Variants in GNG11 observed in about 807,000 individuals in gnomAD.
GNG11 encodes G protein subunit gamma 11.
GNG11 carries 6 observed loss-of-function variants against 7.4 expected under a neutral mutation model. That is an observed-to-expected ratio of 0.81 (90% CI 0.44 to 1.60). The LOEUF (loss-of-function observed/expected upper bound fraction) is 1.60, where lower values mean the gene tolerates loss of function less well. Ranked by LOEUF, GNG11 falls within the 40% of genes most tolerant of loss-of-function variation. GNG11 has a pLI of 0.01. For missense variants in GNG11, 65 were observed against 83.0 expected, an observed-to-expected ratio of 0.78 and a Z score of 0.84; for synonymous variants, 31 against 25.9, an observed-to-expected ratio of 1.20 and a Z score of -0.60.
rs1462712551 is a variant in GNG11, at chr7:93,922,039, G to A, written c.-99G>A. On this transcript the variant is annotated 5_prime_UTR_variant, in exon 1 of 2. Transcript: ENST00000248564. ...CAGTCACATCCTGCGCGGGTGGGCG[G>A]CGGGCCAGGCCTTCAGTTGTTTCGG... is the stretch of plus-strand genomic sequence containing the variant. 5 of 658,084 alleles carry A rather than the reference G, an allele frequency of 7.6e-6. No individual in the cohort carries two copies. The highest frequency in any genetic ancestry group is 6.0e-5 in the East Asian group (2 of 33,152). The allele number at this position is 658,084 out of a possible 1,614,324, so 40.8% of individuals were successfully genotyped here.
Position 93,928,320 on chromosome 7 carries a change from G to T in GNG11, c.*2104G>T, listed in dbSNP as rs1433922614. Reference sequence around the variant, plus strand: ...CCTGAATAAATATCTAATCTTATAGGTGCTTCTATTAAATATAATTCTGTT... The same window carrying T: ...CCTGAATAAATATCTAATCTTATAGTTGCTTCTATTAAATATAATTCTGTT... On this transcript the variant is annotated 3_prime_UTR_variant, in exon 2 of 2. Coordinates refer to ENST00000248564, the MANE Select transcript of GNG11 (RefSeq NM_004126.4). 6.6e-6 allele frequency: 1 copy of T among 151,918 alleles called. No individual in the cohort carries two copies. The highest frequency in any genetic ancestry group is 1.5e-5 in the Non-Finnish European group (1 of 67,984). The allele number at this position is 151,918 out of a possible 1,614,324, so 9.4% of individuals were successfully genotyped here. A position where few individuals can be genotyped will look rare whatever the true frequency, so the allele number is the denominator to read the frequency against.
In GNG11 at chr7:93,924,995, T is replaced by G. The variant is rs186678670; in HGVS notation, c.97-1096T>G. On this transcript the variant is annotated intron_variant, in intron 1 of 1. Transcript: ENST00000248564. ...CTGGCTAACGTGGTGAAACCCCGTCTCTACTAAAAATACAAAAAATTAGCC... is the reference window on the plus strand; with the variant it reads ...CTGGCTAACGTGGTGAAACCCCGTCGCTACTAAAAATACAAAAAATTAGCC... Among the ~76,000 whole-genome samples, 1,046 of 152,204 alleles carry G rather than the reference T, an allele frequency of 6.9e-3. 13 individuals are homozygous for G. The highest frequency in any genetic ancestry group is 0.024 in the African/African-American group (1,001 of 41,542).
intron 1 of GNG11, among the ~76,000 whole-genome samples, chr7:93,923,095 T>C (rs1382036725): frequency 6.6e-6 from 1 of 152,236 alleles, no homozygotes; most frequent in East Asian, 1.9e-4. Flanking sequence ...GAATAGATAT[T>C]GTTTAAAGAT....
In GNG11 at chr7:93,922,153, A is replaced by G. The variant is rs779406544; in HGVS notation, c.16A>G (p.Ile6Val). Reference sequence around the variant, plus strand: ...TGGGGCGAAAATGCCTGCCCTTCACATCGAAGATTTGCCAGAGAAGGAAAA... The same window carrying G: ...TGGGGCGAAAATGCCTGCCCTTCACGTCGAAGATTTGCCAGAGAAGGAAAA... The part of the protein sequence containing the change: MPALH[I>V]EDLPEKEKLK... Residue 6 changes from isoleucine (I) to valine (V), a missense_variant, in exon 1 of 2, where the codon ATC (isoleucine) becomes GTC (valine). Coordinates refer to ENST00000248564, the MANE Select transcript of GNG11 (RefSeq NM_004126.4). The G allele has an allele frequency of 3.1e-6, 5 of 1,593,752 alleles. No homozygotes were observed. The highest frequency in any genetic ancestry group is 1.3e-5 in the African/African-American group (1 of 74,540).
chr7:93,925,698 G>A (rs1794668187), intron 1 of GNG11, among the ~76,000 whole-genome samples: 1 of 152,138 alleles, frequency 6.6e-6, no homozygotes, highest in South Asian at 2.1e-4. Context: ...GTATATTTCA[G>A]TTCCTAAAAT....
At position 93,927,487 on chromosome 7, in the gene GNG11, G is replaced by C. The variant is rs891272961; in HGVS notation, c.*1271G>C. ...AACGTGGAAAAACCCTTGCTGGTTA[G>C]CTCTAGCTCAAATGGACTTAGTCAT... On this transcript the variant is annotated 3_prime_UTR_variant, in exon 2 of 2. Transcript: ENST00000248564. 1 of 152,300 alleles carries C rather than the reference G, an allele frequency of 6.6e-6. No homozygotes were observed. The highest frequency in any genetic ancestry group is 2.1e-4 in the South Asian group (1 of 4,832). 9.4% of individuals were successfully genotyped at this position (152,300 alleles called of 1,614,324 possible). A position where few individuals can be genotyped will look rare whatever the true frequency, so the allele number is the denominator to read the frequency against.
rs553653171 is a variant in GNG11 at position 93,924,735 on chromosome 7, A to G, written c.97-1356A>G. Reference sequence around the variant, plus strand: ...CAAAGCAGTGTCTGTACTTATTTGTAGTTAAAAATTATATTCATTTTGGGA... The same window carrying G: ...CAAAGCAGTGTCTGTACTTATTTGTGGTTAAAAATTATATTCATTTTGGGA... On this transcript the variant is annotated intron_variant, in intron 1 of 1. Transcript: ENST00000248564. 3.3e-5 allele frequency among the ~76,000 whole-genome samples: 5 copies of G among 152,366 alleles called. No homozygotes were observed. The East Asian group carries it at 9.6e-4, about 29-fold the overall frequency.
At position 93,928,283 on chromosome 7, in the gene GNG11, C is replaced by G. The variant is rs2115941545; in HGVS notation, c.*2067C>G. 1 of 152,262 alleles carries G rather than the reference C, an allele frequency of 6.6e-6. No homozygotes were observed. Among genetic ancestry groups the G allele is most frequent in the African/African-American group, 2.4e-5 (1 of 41,520 alleles). The allele number at this position is 152,262 out of a possible 1,614,324, so 9.4% of individuals were successfully genotyped here. A position where few individuals can be genotyped will look rare whatever the true frequency, so the allele number is the denominator to read the frequency against. Reference sequence around the variant, plus strand: ...ACCATATGATCAATCAGTTGGACGACTTCTGGTTTTTCCTGAATAAATATC... The same window carrying G: ...ACCATATGATCAATCAGTTGGACGAGTTCTGGTTTTTCCTGAATAAATATC... On this transcript the variant is annotated 3_prime_UTR_variant, in exon 2 of 2. Coordinates refer to ENST00000248564, the MANE Select transcript of GNG11 (RefSeq NM_004126.4).
chr7:93,925,067 G>A (rs1794658943), intron 1 of GNG11, among the ~76,000 whole-genome samples: 1 of 152,226 alleles, frequency 6.6e-6, no homozygotes, highest in Non-Finnish European at 1.5e-5. Context: ...GGGAGGCTGA[G>A]GCAGGAGAAT....
In GNG11 at chr7:93,926,224, G is replaced by T. The variant is rs1020986478; in HGVS notation, c.*8G>T. On this transcript the variant is annotated 3_prime_UTR_variant, in exon 2 of 2. Coordinates refer to ENST00000248564, the MANE Select transcript of GNG11 (RefSeq NM_004126.4). ...AGCTGTGTTATTTCATAAATAACTTGGGAGAAACTGCATCCTAAGTGGAAG... is the reference window on the plus strand; with the variant it reads ...AGCTGTGTTATTTCATAAATAACTTTGGAGAAACTGCATCCTAAGTGGAAG... 5 of 1,561,724 alleles carry T rather than the reference G, an allele frequency of 3.2e-6. No individual in the cohort carries two copies. In the African/African-American group the frequency reaches 5.5e-5, roughly 17 times the overall value.
At position 93,921,836 on chromosome 7, in the gene GNG11, A is replaced by C; in HGVS notation, c.-302A>C. Reference sequence around the variant, plus strand: ...CCTGCTGGGCGATTGAGCAGCGGGAAGCTGCTTGGACCCAGTCTCAAACTT... The same window carrying C: ...CCTGCTGGGCGATTGAGCAGCGGGACGCTGCTTGGACCCAGTCTCAAACTT... On this transcript the variant is annotated 5_prime_UTR_variant, in exon 1 of 2. Transcript: ENST00000248564. 1.4e-5 allele frequency: 3 copies of C among 217,772 alleles called. No individual in the cohort carries two copies. The highest frequency in any genetic ancestry group is 9.2e-5 in the East Asian group (1 of 10,818). The allele number at this position is 217,772 out of a possible 1,614,324, so 13.5% of individuals were successfully genotyped here. A position where few individuals can be genotyped will look rare whatever the true frequency, so the allele number is the denominator to read the frequency against.
In GNG11 at chr7:93,922,127, C is replaced by T; in HGVS notation, c.-11C>T. On this transcript the variant is annotated 5_prime_UTR_variant, in exon 1 of 2. Transcript: ENST00000248564. Reference sequence around the variant, plus strand: ...TGCCAGAGCTAGCCCGAGCCCGGTTCTGGGGCGAAAATGCCTGCCCTTCAC... The same window carrying T: ...TGCCAGAGCTAGCCCGAGCCCGGTTTTGGGGCGAAAATGCCTGCCCTTCAC... 1 of 1,573,674 alleles carries T rather than the reference C, an allele frequency of 6.4e-7. No homozygotes were observed. The highest frequency in any genetic ancestry group is 1.1e-5 in the South Asian group (1 of 87,276).
chr7:93,925,459 T>A (rs1794664823), intron 1 of GNG11, among the ~76,000 whole-genome samples: 1 of 152,200 alleles, frequency 6.6e-6, no homozygotes, highest in South Asian at 2.1e-4. Context: ...TTTATTATGA[T>A]CATTGCCCTC....
rs1438487123 is a variant in GNG11, at chr7:93,926,082, ATACTT to A, written c.97-8_97-4del. 8 of 1,478,874 alleles carry A rather than the reference ATACTT, an allele frequency of 5.4e-6. No individual in the cohort carries two copies. Among genetic ancestry groups the A allele is most frequent in the African/African-American group, 1.4e-5 (1 of 70,304 alleles). 91.6% of individuals were successfully genotyped at this position (1,478,874 alleles called of 1,614,324 possible). ...ACCTAATGTATTCTCTTTTTTTTCT[ATACTT>A]AAGGTGTCTAAATGTTCTGAAGAAA... On this transcript the variant is annotated splice_region_variant and splice_polypyrimidine_tract_variant and intron_variant, in intron 1 of 1. Coordinates refer to ENST00000248564, the MANE Select transcript of GNG11 (RefSeq NM_004126.4).
intron 1 of GNG11, among the ~76,000 whole-genome samples, chr7:93,923,295 G>A (rs561524891): frequency 1.2e-4 from 18 of 152,238 alleles, no homozygotes; most frequent in African/African-American, 3.9e-4. Flanking sequence ...GAAGATGCAG[G>A]CATTTTTGTG....
At chr7:93,925,409 A>C (rs1424014193) in intron 1 of GNG11, among the ~76,000 whole-genome samples, 1 of 152,092 alleles carries the variant, frequency 6.6e-6, no homozygotes, top group Non-Finnish European at 1.5e-5. Flanking sequence ...TCAGAAAAAA[A>C]TTTATTCTCA....
Position 93,921,988 on chromosome 7 carries a change from G to C in GNG11, c.-150G>C, listed in dbSNP as rs1794616890. The stretch of plus-strand genomic sequence containing the variant: ...CGTCCCGGAGAAAGCCAAGCCCTCG[G>C]GGAGCTGGGGACCGCAGCAGGGCTG... On this transcript the variant is annotated 5_prime_UTR_variant, in exon 1 of 2. Transcript: ENST00000248564. 8.2e-6 allele frequency: 4 copies of C among 488,184 alleles called. No homozygotes were observed. Among genetic ancestry groups the C allele is most frequent in the Middle Eastern group, 5.7e-4 (1 of 1,764 alleles). The allele number at this position is 488,184 out of a possible 1,614,324, so 30.2% of individuals were successfully genotyped here.
At chr7:93,922,490 T>C (rs1316072931) in intron 1 of GNG11, among the ~76,000 whole-genome samples, 1 of 152,116 alleles carries the variant, frequency 6.6e-6, no homozygotes, top group Non-Finnish European at 1.5e-5. Flanking sequence ...AAGGGGAAAA[T>C]AGACAAGAAA....
intron 1 of GNG11, among the ~76,000 whole-genome samples, chr7:93,923,723 G>A (rs1433898340): frequency 1.3e-5 from 2 of 152,194 alleles, no homozygotes; most frequent in African/African-American, 4.8e-5. Context: ...GTTAAGTGAT[G>A]TGGATGCAAC....
Sources: allele counts gnomAD v4.1 joint callset (sites outside exome capture counted in the v4.1 genomes callset), GRCh38; gene constraint gnomAD v4.1.1; transcripts MANE v1.5; gene names NCBI Gene and HGNC (gene_info 2026-07-23, HGNC 2026-07-21).